LRRN2: variants seen among roughly 807,000 people sequenced by gnomAD.
LRRN2 encodes leucine rich repeat neuronal 2.
A neutral mutation model predicts 35.7 loss-of-function variants in LRRN2; 10 were observed. The observed-to-expected ratio is 0.28, with a 90% CI of 0.17 to 0.47. LRRN2 has a LOEUF of 0.47. Ranked by LOEUF, LRRN2 falls within the 20% of genes least tolerant of loss-of-function variation. The pLI is 0.99. For missense variants in LRRN2, 731 were observed against 940.3 expected (o/e 0.78, Z 2.91); for synonymous variants, 391 against 409.6 (o/e 0.95, Z 0.55).
intron 1 of LRRN2, among the ~76,000 whole-genome samples, chr1:204,623,653 C>G (rs995907437): frequency 6.6e-6 from 1 of 152,258 alleles, no homozygotes; most frequent in Non-Finnish European, 1.5e-5. Flanking sequence ...TTAGCAGTTT[C>G]TACCGGGGAG....
chr1:204,637,959 G>A (rs1180578989), intron 1 of LRRN2, among the ~76,000 whole-genome samples: 1 of 152,192 alleles, frequency 6.6e-6, no homozygotes, highest in Non-Finnish European at 1.5e-5. Flanking sequence ...ATTCCCCCAG[G>A]AGCTGCGGAG....
intron 1 of LRRN2, among the ~76,000 whole-genome samples, chr1:204,637,693 T>TGTGTGTGTGTGTG (rs1667867952): frequency 2.4e-5 from 3 of 125,232 alleles, no homozygotes; most frequent in African/African-American, 6.0e-5. Flanking sequence ...TGTGTGTGTG[T>TGTGTGTGTGTGTG]TTGGGGGCAG....
At chr1:204,658,268 G>A (rs906063957) in intron 1 of LRRN2, among the ~76,000 whole-genome samples, 3 of 152,032 alleles carry the variant, frequency 2.0e-5, no homozygotes, top group Non-Finnish European at 2.9e-5. Context: ...ATGAGCCACC[G>A]TGCCCAGCCA....
intron 1 of LRRN2, among the ~76,000 whole-genome samples, chr1:204,633,814 T>C (rs1667767112): frequency 6.6e-6 from 1 of 152,226 alleles, no homozygotes; most frequent in Non-Finnish European, 1.5e-5. Context: ...CCAGTTGACT[T>C]ATTCAAGCTC....
chr1:204,683,970 C>T (rs1409000641), intron 1 of LRRN2, among the ~76,000 whole-genome samples: 4 of 152,242 alleles, frequency 2.6e-5, no homozygotes, highest in Non-Finnish European at 5.9e-5. Context: ...CACCTCTACC[C>T]TCCATGCCCA....
intron 1 of LRRN2, among the ~76,000 whole-genome samples, chr1:204,646,945 G>A (rs749476137): frequency 6.6e-6 from 1 of 152,202 alleles, no homozygotes; most frequent in South Asian, 2.1e-4. Flanking sequence ...AAGACAAGAT[G>A]AGCCCAGCCA....
In LRRN2 at chr1:204,620,211, G is replaced by A. The variant is rs946401391; in HGVS notation, c.-219C>T. On this transcript the variant is annotated 5_prime_UTR_variant, in exon 2 of 2. Coordinates refer to ENST00000367177, the MANE Select transcript of LRRN2 (RefSeq NM_201630.2). ...CTCAGTCATTGCCAGGCCCCATCAG[G>A]GGCAGCCCTGGAAGAAGAGGATGCA... is the stretch of plus-strand genomic sequence containing the variant. 20 of 1,440,266 alleles carry A rather than the reference G, an allele frequency of 1.4e-5. No homozygotes were observed. The highest frequency in any genetic ancestry group is 1.5e-5 in the Non-Finnish European group (16 of 1,095,428). The allele number at this position is 1,440,266 out of a possible 1,614,324, so 89.2% of individuals were successfully genotyped here.
At chr1:204,657,494 G>A (rs1464605350) in intron 1 of LRRN2, among the ~76,000 whole-genome samples, 2 of 152,132 alleles carry the variant, frequency 1.3e-5, no homozygotes, top group South Asian at 2.1e-4. Context: ...GCTACGAATT[G>A]TATGATTCCA....
intron 1 of LRRN2, among the ~76,000 whole-genome samples, chr1:204,674,844 C>A (rs1429346189): frequency 6.6e-6 from 1 of 152,244 alleles, no homozygotes; most frequent in Non-Finnish European, 1.5e-5. Context: ...GAGGTCAGGA[C>A]TGGAACTCAG....
intron 1 of LRRN2, among the ~76,000 whole-genome samples, chr1:204,640,083 A>G (rs879584070): frequency 6.6e-6 from 1 of 152,234 alleles, no homozygotes; most frequent in Non-Finnish European, 1.5e-5. Context: ...ACAAAATATT[A>G]TAAACCAGGT....
rs1178083787 is a variant in LRRN2 at position 204,619,224 on chromosome 1, G to C, written c.769C>G (p.Leu257Val). Residue 257 changes from leucine to valine, a missense_variant, in exon 2 of 2, where the codon CTG becomes GTG. Physicochemically the swap from Leu to Val is conservative, Grantham distance 32 (BLOSUM62 1). Around this residue, in one of 3 missense-constraint regions of LRRN2, gnomAD observed 256 missense variants for 392.4 expected, o/e 0.65. Transcript: ENST00000367177. ...NQLARVPRRA[L>V]EQVPGLKFLD... ...AACTTGAGCCCGGGCACCTGTTCCA[G>C]TGCCCGCCTGGGCACCCGGGCCAGC... is the stretch of plus-strand genomic sequence containing the variant. 6.2e-7 allele frequency: 1 copy of C among 1,613,980 alleles called. No homozygotes were observed. Among genetic ancestry groups the C allele is most frequent in the Non-Finnish European group, 8.5e-7 (1 of 1,180,048 alleles).
At chr1:204,635,113 A>G (rs747429638) in intron 1 of LRRN2, among the ~76,000 whole-genome samples, 1 of 152,206 alleles carries the variant, frequency 6.6e-6, no homozygotes, top group Non-Finnish European at 1.5e-5. Flanking sequence ...TAAAGATCCG[A>G]TCAGATCACA....
intron 1 of LRRN2, among the ~76,000 whole-genome samples, chr1:204,667,604 G>C (rs927398597): frequency 1.3e-5 from 2 of 152,128 alleles, no homozygotes; most frequent in African/African-American, 4.8e-5. Flanking sequence ...AGAAGAGAAA[G>C]ACCCAGCAAA....
At chr1:204,632,889 A>ACAT (rs1206286659) in intron 1 of LRRN2, among the ~76,000 whole-genome samples, 1 of 151,250 alleles carries the variant, frequency 6.6e-6, no homozygotes, top group East Asian at 1.9e-4. Context: ...AGTCGAGACC[A>ACAT]CATCACTGCA....
chr1:204,655,477 C>T (rs1166764804), intron 1 of LRRN2, among the ~76,000 whole-genome samples: 2 of 151,718 alleles, frequency 1.3e-5, no homozygotes, highest in African/African-American at 4.8e-5. Flanking sequence ...GTTTTTGTTT[C>T]TTAGAGAAGG....
intron 1 of LRRN2, among the ~76,000 whole-genome samples, chr1:204,682,180 A>C (rs1454319335): frequency 6.6e-6 from 1 of 152,104 alleles, no homozygotes; most frequent in East Asian, 1.9e-4. Context: ...ATTCTACCTG[A>C]ATGCAGGTGG....
At chr1:204,667,066 T>C (rs1201644297) in intron 1 of LRRN2, among the ~76,000 whole-genome samples, 1 of 149,650 alleles carries the variant, frequency 6.7e-6, no homozygotes, top group Non-Finnish European at 1.5e-5. Context: ...AGATGAAGAA[T>C]AGCTGAGTGG....
chr1:204,658,630 C>T (rs891488278), intron 1 of LRRN2, among the ~76,000 whole-genome samples: 13 of 152,262 alleles, frequency 8.5e-5, no homozygotes, highest in Middle Eastern at 6.8e-3. Flanking sequence ...TCTGGCCCTA[C>T]TCCATACCCT....
At chr1:204,671,675 AGGTGCC>A (rs1558422551) in intron 1 of LRRN2, among the ~76,000 whole-genome samples, 35 of 111,448 alleles carry the variant, frequency 3.1e-4, no homozygotes, top group South Asian at 5.9e-4. Flanking sequence ...AAAAAAGCAA[AGGTGCC>A]AATGGAGCAA....
Sources: gnomAD v4.1 joint callset for allele counts (sites outside exome capture counted in the v4.1 genomes callset) on GRCh38, gnomAD v4.1.1 for gene constraint, gnomAD v4.1.1 regional missense constraint, MANE v1.5 for transcripts, NCBI Gene and HGNC (gene_info 2026-07-23, HGNC 2026-07-21) for gene names.